ATP2B1: variants seen among roughly 807,000 people sequenced by gnomAD.
The protein encoded by ATP2B1 is plasma membrane calcium-transporting ATPase 1.
In ATP2B1, 14 loss-of-function variants were observed where a neutral mutation model predicts 124.2. The observed-to-expected ratio is 0.11, with a 90% CI of 0.07 to 0.18. The LOEUF is 0.18. Among genes scored for constraint, ATP2B1 ranks in the 10% least tolerant of loss-of-function variants. ATP2B1 has a pLI of 1.00. For synonymous variants in ATP2B1, 449 were observed against 492.4 expected, an observed-to-expected ratio of 0.91 and a Z score of 1.17; for missense variants, 763 against 1,466.1, an observed-to-expected ratio of 0.52 and a Z score of 7.83.
At chr12:89,617,871 TTGATGTAAG>T (rs1879262812) in intron 11 of ATP2B1, among the ~76,000 whole-genome samples, 1 of 152,194 alleles carries the variant, frequency 6.6e-6, no homozygotes, top group Non-Finnish European at 1.5e-5. Context: ...CCTAATCATT[TTGATGTAAG>T]TCTAAAATTT....
chr12:89,687,188 C>A (rs532376660), intron 1 of ATP2B1, among the ~76,000 whole-genome samples: 1 of 152,192 alleles, frequency 6.6e-6, no homozygotes, highest in South Asian at 2.1e-4. Context: ...CAAGGACAAA[C>A]CACAGATTTG....
intron 20 of ATP2B1, among the ~76,000 whole-genome samples, chr12:89,595,362 A>AC (rs1377558388): frequency 6.6e-6 from 1 of 152,044 alleles, no homozygotes; most frequent in East Asian, 1.9e-4. Context: ...TTCAGGAAAA[A>AC]AAAATCTACT....
At chr12:89,692,991 C>A (rs2136752852) in intron 1 of ATP2B1, among the ~76,000 whole-genome samples, 1 of 152,302 alleles carries the variant, frequency 6.6e-6, no homozygotes. Context: ...TGAGGATGTA[C>A]TGTATGCTTC....
intron 1 of ATP2B1, among the ~76,000 whole-genome samples, chr12:89,688,780 T>C (rs1292988789): frequency 1.3e-5 from 2 of 152,118 alleles, no homozygotes; most frequent in Non-Finnish European, 2.9e-5. Flanking sequence ...TCTTCTCATC[T>C]GTTAAAGAAA....
chr12:89,666,868 G>C (rs965527992), intron 1 of ATP2B1, among the ~76,000 whole-genome samples: 6 of 152,014 alleles, frequency 3.9e-5, no homozygotes, highest in Non-Finnish European at 8.8e-5. Flanking sequence ...GCCACTGCAA[G>C]CTACCACCAC....
intron 1 of ATP2B1, among the ~76,000 whole-genome samples, chr12:89,707,855 C>A (rs1277050152): frequency 6.6e-6 from 1 of 152,162 alleles, no homozygotes; most frequent in East Asian, 1.9e-4. Context: ...GAGAGCACAG[C>A]CCCCACCCCA....
intron 1 of ATP2B1, among the ~76,000 whole-genome samples, chr12:89,660,100 A>G (rs1886519090): frequency 6.6e-6 from 1 of 152,150 alleles, no homozygotes; most frequent in South Asian, 2.1e-4. Flanking sequence ...TTTTGCAGGC[A>G]AGACAGAAAT....
intron 5 of ATP2B1, among the ~76,000 whole-genome samples, chr12:89,631,890 C>A (rs949716858): frequency 6.6e-6 from 1 of 151,956 alleles, no homozygotes; most frequent in South Asian, 2.1e-4. Context: ...TCTTAGCCCC[C>A]AAAGTGCTGG....
intron 1 of ATP2B1, among the ~76,000 whole-genome samples, chr12:89,693,228 G>A (rs1783517309): frequency 6.6e-6 from 1 of 152,134 alleles, no homozygotes; most frequent in Non-Finnish European, 1.5e-5. Context: ...GTCCTATTTT[G>A]TAATATTTAG....
intron 2 of ATP2B1, among the ~76,000 whole-genome samples, chr12:89,643,533 G>A (rs971282405): frequency 6.6e-6 from 1 of 152,176 alleles, no homozygotes; most frequent in African/African-American, 2.4e-5. Context: ...AAGGTATACT[G>A]TAGGAGGTAT....
intron 18 of ATP2B1, among the ~76,000 whole-genome samples, chr12:89,602,318 C>G: frequency 6.6e-6 from 1 of 152,130 alleles, no homozygotes; most frequent in Middle Eastern, 3.2e-3. Flanking sequence ...AATATTCACC[C>G]TCCTGTGAGT....
At chr12:89,625,917 C>T (rs944484999) in intron 8 of ATP2B1, among the ~76,000 whole-genome samples, 1 of 152,166 alleles carries the variant, frequency 6.6e-6, no homozygotes, top group Non-Finnish European at 1.5e-5. Flanking sequence ...CAAAAAGATG[C>T]TACCGCTGGA....
chr12:89,634,773 T>G lies in ATP2B1; in HGVS notation c.787+5A>C, dbSNP rs1277137805. 13 of 1,577,110 alleles carry G rather than the reference T, an allele frequency of 8.2e-6. No individual in the cohort carries two copies. In the Middle Eastern group the frequency reaches 5.2e-4, roughly 63 times the overall value. On this transcript the variant is annotated splice_donor_5th_base_variant and intron_variant, in intron 5 of 20. Coordinates refer to ENST00000428670, the MANE Select transcript of ATP2B1 (RefSeq NM_001366521.1). ...AGTGTTCAAAGATATAAATGAAATT[T>G]TTACCTGATAGAAGTAAGGGATCCT...
rs1305194776 is a variant in ATP2B1 at position 89,603,039 on chromosome 12, C to T, written c.3060+4G>A. On this transcript the variant is annotated splice_donor_region_variant and intron_variant, in intron 18 of 20. Coordinates refer to ENST00000428670, the MANE Select transcript of ATP2B1 (RefSeq NM_001366521.1). This position sits in a 1 kb window ranked among gnomAD's most constrained non-coding sequence, Gnocchi z 4.3. ...ATTTGAAACTATCTTTTCCAATTAC[C>T]CACCTGTACCACAAAAGTGCCTAAA... is the stretch of plus-strand genomic sequence containing the variant. 6.2e-7 allele frequency: 1 copy of T among 1,609,962 alleles called. No individual in the cohort carries two copies. The highest frequency in any genetic ancestry group is 1.1e-5 in the South Asian group (1 of 90,428).
intron 1 of ATP2B1, among the ~76,000 whole-genome samples, chr12:89,694,082 A>G (rs1890846980): frequency 6.6e-6 from 1 of 152,214 alleles, no homozygotes; most frequent in South Asian, 2.1e-4. Context: ...ATGTCATGGT[A>G]CAATTAATTT....
intron 1 of ATP2B1, among the ~76,000 whole-genome samples, chr12:89,689,698 T>A (rs1240949441): frequency 6.6e-6 from 1 of 152,146 alleles, no homozygotes; most frequent in Non-Finnish European, 1.5e-5. Context: ...TTTGTAGACT[T>A]CCATTTGTCT....
At chr12:89,646,844 A>T (rs994440164) in intron 2 of ATP2B1, among the ~76,000 whole-genome samples, 5 of 151,448 alleles carry the variant, frequency 3.3e-5, no homozygotes, top group Non-Finnish European at 5.9e-5. Flanking sequence ...TTTTTTTTTA[A>T]AAGTAGGTGA....
chr12:89,679,022 T>A (rs962652675), intron 1 of ATP2B1, among the ~76,000 whole-genome samples: 4 of 152,112 alleles, frequency 2.6e-5, no homozygotes, highest in Admixed American at 2.6e-4. Context: ...TCTTGGTTTA[T>A]GCTCCAGAGT....
At chr12:89,680,830 G>A (rs546163573) in intron 1 of ATP2B1, among the ~76,000 whole-genome samples, 7 of 151,858 alleles carry the variant, frequency 4.6e-5, no homozygotes, top group Non-Finnish European at 7.4e-5. Context: ...CAGAGCATCC[G>A]AACAAAAAAA....
Sources: allele counts gnomAD v4.1 joint callset (sites outside exome capture counted in the v4.1 genomes callset), GRCh38; gene constraint gnomAD v4.1.1; non-coding constraint Gnocchi (gnomAD v3.1); transcripts MANE v1.5; gene names NCBI Gene and HGNC (gene_info 2026-07-23, HGNC 2026-07-21).